Variants in PDIA5 observed in about 807,000 individuals in gnomAD.
PDIA5 encodes protein disulfide-isomerase A5.
PDIA5 carries 58 observed loss-of-function variants against 77.6 expected under a neutral mutation model. The ratio of observed to expected loss-of-function variants is 0.75; its 90% CI spans 0.61 to 0.93. The LOEUF (loss-of-function observed/expected upper bound fraction) is 0.93. PDIA5 is among the 40% of genes least tolerant of loss of function. PDIA5 has a pLI of 0.00. For synonymous variants in PDIA5, 250 were observed against 252.1 expected, an observed-to-expected ratio of 0.99 and a Z score of 0.08; for missense variants, 630 against 647.7, an observed-to-expected ratio of 0.97 and a Z score of 0.30.
In PDIA5 at chr3:123,099,509, C is replaced by T. The variant is rs115210829; in HGVS notation, c.258-2902C>T. ...CAGGGGATGGGGAGAGGAGAGAATC[C>T]TTAGGAATGTTACATAACCTAACAA... On this transcript the variant is annotated intron_variant, in intron 3 of 16. Transcript: ENST00000316218. Among the ~76,000 whole-genome samples, 1,067 of 152,238 alleles carry T rather than the reference C, an allele frequency of 7.0e-3. 16 individuals carry two copies. Among genetic ancestry groups the T allele is most frequent in the African/African-American group, 0.024 (996 of 41,528 alleles).
intron 1 of PDIA5, among the ~76,000 whole-genome samples, chr3:123,078,549 T>TA (rs1363417724): frequency 2.0e-5 from 3 of 152,240 alleles, no homozygotes; most frequent in Non-Finnish European, 4.4e-5. Context: ...CATTTGTTTT[T>TA]ATCATACTCT....
intron 1 of PDIA5, among the ~76,000 whole-genome samples, chr3:123,071,192 C>T (rs550034462): frequency 2.0e-5 from 3 of 152,274 alleles, no homozygotes; most frequent in African/African-American, 7.2e-5. Flanking sequence ...TCTAACTCAG[C>T]CTTCTCCTTT....
chr3:123,079,587 A>T (rs911328926), intron 1 of PDIA5, among the ~76,000 whole-genome samples: 2 of 152,178 alleles, frequency 1.3e-5, no homozygotes, highest in Admixed American at 6.5e-5. Flanking sequence ...GTTGTTGGAC[A>T]TTTAGGTTGT....
chr3:123,104,524 C>G (rs1296998796), intron 5 of PDIA5, among the ~76,000 whole-genome samples: 3 of 152,220 alleles, frequency 2.0e-5, no homozygotes, highest in African/African-American at 7.2e-5. Context: ...TGTCAACCCG[C>G]ATGGTTGGGC....
intron 11 of PDIA5, among the ~76,000 whole-genome samples, chr3:123,139,292 T>C (rs1040908986): frequency 6.6e-6 from 1 of 152,212 alleles, no homozygotes; most frequent in African/African-American, 2.4e-5. Context: ...CCCAGGAGGC[T>C]GGTCCTCAGG....
At chr3:123,112,795 G>T (rs538774645) in intron 7 of PDIA5, among the ~76,000 whole-genome samples, 37 of 151,914 alleles carry the variant, frequency 2.4e-4, no homozygotes, top group Non-Finnish European at 4.7e-4. Flanking sequence ...CCTGACCTCA[G>T]GTGATCCACC....
chr3:123,095,061 G>C (rs956679600), intron 3 of PDIA5, among the ~76,000 whole-genome samples: 1 of 152,146 alleles, frequency 6.6e-6, no homozygotes, highest in Non-Finnish European at 1.5e-5. Context: ...GAGGGGGCCC[G>C]GGCTGACTGC....
intron 6 of PDIA5, among the ~76,000 whole-genome samples, chr3:123,108,473 T>G (rs1934788257): frequency 6.6e-6 from 1 of 151,044 alleles, no homozygotes; most frequent in East Asian, 2.0e-4. Context: ...AGACATGGGT[T>G]TTCACCATGT....
intron 2 of PDIA5, among the ~76,000 whole-genome samples, chr3:123,091,344 T>C (rs836861): frequency 0.52 from 79,406 of 151,982 alleles, 22,704 homozygotes; most frequent in Middle Eastern, 0.65. Context: ...GGCTTGGGGA[T>C]GTATCATATG....
In PDIA5 at chr3:123,124,262, C is replaced by T. The variant is rs773617214; in HGVS notation, c.702-10C>T. 56 of 1,609,950 alleles carry T rather than the reference C, an allele frequency of 3.5e-5. No individual in the cohort carries two copies. The highest frequency in any genetic ancestry group is 4.6e-5 in the Non-Finnish European group (54 of 1,176,098). ...TGACTGAGCCCACGTTGTTTCTCCA[C>T]GTTTCACAGGAAAGGACGGTTCTTG... On this transcript the variant is annotated splice_polypyrimidine_tract_variant and intron_variant, in intron 9 of 16. Transcript: ENST00000316218.
chr3:123,130,654 C>T, intron 11 of PDIA5, 38 bp downstream of exon 11: 1 of 1,610,008 alleles, frequency 6.2e-7, no homozygotes, highest in Non-Finnish European at 8.5e-7. Flanking sequence ...CACACCCTCC[C>T]CTCTCTCAGA....
chr3:123,097,348 G>A (rs936960679), intron 3 of PDIA5, among the ~76,000 whole-genome samples: 7 of 152,154 alleles, frequency 4.6e-5, no homozygotes, highest in East Asian at 1.9e-4. Flanking sequence ...GGAGGGCAGC[G>A]GAGGGGAGGC....
intron 12 of PDIA5, 106 bp downstream of exon 12, chr3:123,145,698 G>A (rs1198341998): frequency 2.0e-5 from 18 of 887,020 alleles, no homozygotes; most frequent in South Asian, 9.0e-5. Flanking sequence ...CCCGTGGTCC[G>A]TGGAGGCCAG....
At chr3:123,152,741 AC>A in intron 14 of PDIA5, among the ~76,000 whole-genome samples, 1 of 151,744 alleles carries the variant, frequency 6.6e-6, no homozygotes, top group Non-Finnish European at 1.5e-5. Context: ...CCCTTCTCCC[AC>A]CATGTCTGCC....
chr3:123,083,181 T>A, intron 1 of PDIA5, among the ~76,000 whole-genome samples: 1 of 108,052 alleles, frequency 9.3e-6, no homozygotes, highest in Non-Finnish European at 1.9e-5. Flanking sequence ...AGGGGAGGGG[T>A]TGGGTGGTGG....
At position 123,133,649 on chromosome 3, in the gene PDIA5, A is replaced by G. The variant is rs181648195; in HGVS notation, c.910+3033A>G. Among the ~76,000 whole-genome samples, 16 of 152,294 alleles carry G rather than the reference A, an allele frequency of 1.1e-4. No individual in the cohort carries two copies. The East Asian group carries it at 1.4e-3, about 13-fold the overall frequency. On this transcript the variant is annotated intron_variant, in intron 11 of 16. Transcript: ENST00000316218. The stretch of plus-strand genomic sequence containing the variant: ...TCTGGCCTGAGTCTGTCTAGAGGGT[A>G]TGTACTTGTTTTTAATCAGCAACTT...
chr3:123,136,448 G>C (rs1044881326), intron 11 of PDIA5, among the ~76,000 whole-genome samples: 1 of 152,148 alleles, frequency 6.6e-6, no homozygotes, highest in Non-Finnish European at 1.5e-5. Context: ...CTAAACAACA[G>C]GGGGTTGGTT....
intron 6 of PDIA5, among the ~76,000 whole-genome samples, chr3:123,108,911 A>G (rs1309552038): frequency 6.6e-6 from 1 of 151,962 alleles, no homozygotes; most frequent in East Asian, 1.9e-4. Context: ...GGGGCAGGGA[A>G]AGAGGGGCAA....
At position 123,161,924 on chromosome 3, in the gene PDIA5, C is replaced by A. The variant is rs538104917; in HGVS notation, c.1524C>A (p.Asp508Glu). 5.0e-6 allele frequency: 8 copies of A among 1,605,434 alleles called. No individual in the cohort carries two copies. In the East Asian group the frequency reaches 1.3e-4, roughly 27 times the overall value. Residue 508 changes from aspartate (D) to glutamate (E), a missense_variant, in exon 17 of 17, where the codon GAC (aspartate) becomes GAA (glutamate). Physicochemically the swap from Asp to Glu is conservative, Grantham distance 45. Coordinates refer to ENST00000316218, the MANE Select transcript of PDIA5 (RefSeq NM_006810.4). ...TNYIRALREG[D>E]HERLGKKKEE... is the part of the protein sequence containing the mutation. Reference sequence around the variant, plus strand: ...ATATTCGAGCCCTCCGGGAGGGAGACCATGAAAGACTAGGGAAAAAGAAGG... The same window carrying A: ...ATATTCGAGCCCTCCGGGAGGGAGAACATGAAAGACTAGGGAAAAAGAAGG...
Sources: allele counts gnomAD v4.1 joint callset (sites outside exome capture counted in the v4.1 genomes callset), GRCh38; gene constraint gnomAD v4.1.1; transcripts MANE v1.5; gene names NCBI Gene and HGNC (gene_info 2026-07-23, HGNC 2026-07-21).